Variants in SGCZ observed in about 807,000 individuals in gnomAD.
The protein encoded by SGCZ is zeta-sarcoglycan.
In SGCZ, 40 loss-of-function variants were observed where a neutral mutation model predicts 41.3. The observed-to-expected ratio is 0.97, with a 90% CI of 0.75 to 1.26. The LOEUF is 1.26. Ranked by LOEUF, SGCZ falls within the 50% of genes most tolerant of loss-of-function variation. SGCZ has a pLI of 0.00. For missense variants in SGCZ, 552 were observed against 369.8 expected, an observed-to-expected ratio of 1.49 and a Z score of -4.04; for synonymous variants, 206 against 137.5, an observed-to-expected ratio of 1.50 and a Z score of -3.49.
intron 4 of SGCZ, among the ~76,000 whole-genome samples, chr8:14,228,745 C>G (rs538873419): frequency 6.6e-6 from 1 of 151,960 alleles, no homozygotes; most frequent in Non-Finnish European, 1.5e-5. Flanking sequence ...CTATCACCCT[C>G]ATTTATATAC....
chr8:14,745,406 G>T (rs190559110), intron 1 of SGCZ, among the ~76,000 whole-genome samples: 2 of 152,212 alleles, frequency 1.3e-5, no homozygotes, highest in African/African-American at 4.8e-5. Flanking sequence ...AAATTCCAAA[G>T]AGATGATATA....
chr8:14,386,358 T>A (rs1220774747), intron 2 of SGCZ, among the ~76,000 whole-genome samples: 1 of 151,132 alleles, frequency 6.6e-6, no homozygotes, highest in East Asian at 2.0e-4. Flanking sequence ...GAAATACACA[T>A]AAAACTGGTT....
intron 1 of SGCZ, among the ~76,000 whole-genome samples, chr8:14,587,822 A>G (rs1280083029): frequency 6.6e-6 from 1 of 152,182 alleles, no homozygotes; most frequent in Non-Finnish European, 1.5e-5. Flanking sequence ...AACAAATATG[A>G]AAATATTTCA....
intron 1 of SGCZ, among the ~76,000 whole-genome samples, chr8:14,940,560 A>T (rs2130819535): frequency 6.6e-6 from 1 of 152,306 alleles, no homozygotes; most frequent in Admixed American, 6.5e-5. Context: ...ATATAATTAA[A>T]TTAAAGATTG....
intron 1 of SGCZ, among the ~76,000 whole-genome samples, chr8:14,822,648 A>C (rs899705596): frequency 6.6e-6 from 1 of 152,212 alleles, no homozygotes. Context: ...CCAACAGAAC[A>C]AAAGAGAGCC....
intron 1 of SGCZ, among the ~76,000 whole-genome samples, chr8:15,005,480 C>T (rs540868603): frequency 3.8e-4 from 58 of 152,006 alleles, no homozygotes; most frequent in African/African-American, 1.2e-3. Context: ...TACAGGCATG[C>T]GCCACCACTC....
At chr8:15,009,082 G>C (rs914141833) in intron 1 of SGCZ, among the ~76,000 whole-genome samples, 1 of 152,108 alleles carries the variant, frequency 6.6e-6, no homozygotes, top group African/African-American at 2.4e-5. Context: ...CTGAATCACA[G>C]TATATTAATT....
intron 2 of SGCZ, among the ~76,000 whole-genome samples, chr8:14,408,583 T>C (rs1799273117): frequency 6.6e-6 from 1 of 152,120 alleles, no homozygotes; most frequent in Non-Finnish European, 1.5e-5. Context: ...TAGATGACTG[T>C]TTCTATATAA....
chr8:14,621,684 T>G (rs551244141), intron 1 of SGCZ, among the ~76,000 whole-genome samples: 1 of 151,532 alleles, frequency 6.6e-6, no homozygotes, highest in Admixed American at 6.6e-5. Flanking sequence ...GGGGAAGTGC[T>G]ACACTTTTAC....
At chr8:14,475,135 T>C (rs1219366081) in intron 2 of SGCZ, among the ~76,000 whole-genome samples, 1 of 152,160 alleles carries the variant, frequency 6.6e-6, no homozygotes, top group Non-Finnish European at 1.5e-5. Context: ...TAACACAAAG[T>C]GAAAAGTTTA....
chr8:14,771,239 T>C (rs868724568), intron 1 of SGCZ, among the ~76,000 whole-genome samples: 4 of 152,270 alleles, frequency 2.6e-5, no homozygotes, highest in Middle Eastern at 3.4e-3. Context: ...ATTAAGTGTG[T>C]GTTTATATAC....
intron 1 of SGCZ, among the ~76,000 whole-genome samples, chr8:14,935,547 T>A (rs1251619220): frequency 6.6e-6 from 1 of 151,894 alleles, no homozygotes; most frequent in Non-Finnish European, 1.5e-5. Flanking sequence ...GATAAAGTAC[T>A]CTTAAGATCA....
intron 1 of SGCZ, among the ~76,000 whole-genome samples, chr8:15,201,849 T>G (rs574424085): frequency 1.3e-5 from 2 of 152,318 alleles, no homozygotes; most frequent in Non-Finnish European, 2.9e-5. Context: ...ACATCTCTAT[T>G]TTTTCAGTAA....
chr8:14,915,237 A>G (rs1179762078), intron 1 of SGCZ, among the ~76,000 whole-genome samples: 3 of 152,206 alleles, frequency 2.0e-5, no homozygotes, highest in Non-Finnish European at 4.4e-5. Flanking sequence ...TTATTAGGAA[A>G]GAAATCTATT....
intron 2 of SGCZ, among the ~76,000 whole-genome samples, chr8:14,368,695 G>A (rs1803802539): frequency 6.6e-6 from 1 of 151,496 alleles, no homozygotes; most frequent in South Asian, 2.1e-4. Context: ...ATGGTAAAGT[G>A]AACAGATACA....
At chr8:15,128,117 T>G (rs1330698458) in intron 1 of SGCZ, among the ~76,000 whole-genome samples, 1 of 152,218 alleles carries the variant, frequency 6.6e-6, no homozygotes, top group Non-Finnish European at 1.5e-5. Flanking sequence ...TGTCCTCTTT[T>G]TTTTCACATC....
intron 3 of SGCZ, among the ~76,000 whole-genome samples, chr8:14,293,809 T>C (rs945420321): frequency 4.0e-5 from 6 of 151,882 alleles, no homozygotes; most frequent in Admixed American, 1.3e-4. Context: ...GTTGGTAAGA[T>C]TATCCTCATC....
intron 3 of SGCZ, among the ~76,000 whole-genome samples, chr8:14,265,981 G>T (rs1799853333): frequency 6.6e-6 from 1 of 151,906 alleles, no homozygotes; most frequent in African/African-American, 2.4e-5. Context: ...AATTATGGGA[G>T]AACATCAAAA....
intron 1 of SGCZ, among the ~76,000 whole-genome samples, chr8:14,997,582 G>C (rs1033533391): frequency 6.6e-6 from 1 of 152,162 alleles, no homozygotes; most frequent in African/African-American, 2.4e-5. Flanking sequence ...AATATGTAAT[G>C]ATATTAATCA....
Sources: allele counts gnomAD v4.1 joint callset (sites outside exome capture counted in the v4.1 genomes callset), GRCh38; gene constraint gnomAD v4.1.1; transcripts MANE v1.5; gene names NCBI Gene and HGNC (gene_info 2026-07-23, HGNC 2026-07-21).